CEP112: variants seen among roughly 807,000 people sequenced by gnomAD.
The protein encoded by CEP112 is centrosomal protein 112, also known as centrosomal protein of 112 kDa.
CEP112 carries 127 observed loss-of-function variants against 153.0 expected under a neutral mutation model. That is an observed-to-expected ratio of 0.83 (90% CI 0.72 to 0.96). The LOEUF is 0.96. CEP112 is among the 40% of genes least tolerant of loss of function. The pLI is 0.00. For synonymous variants in CEP112, 358 were observed against 374.4 expected, an observed-to-expected ratio of 0.96 and a Z score of 0.51; for missense variants, 1,089 against 1,101.2, an observed-to-expected ratio of 0.99 and a Z score of 0.16.
chr17:65,833,240 C>T (rs967272240), intron 21 of CEP112, among the ~76,000 whole-genome samples: 2 of 151,692 alleles, frequency 1.3e-5, no homozygotes, highest in Non-Finnish European at 2.9e-5. Context: ...AACAAACCCA[C>T]CACCAATATT....
intron 12 of CEP112, chr17:66,043,131 G>GA (rs1382639766): frequency 1.1e-6 from 1 of 935,512 alleles, no homozygotes. Context: ...ATGGAATTCA[G>GA]ACTGTCGCTG....
At chr17:65,732,079 A>T (rs1211984654) in intron 23 of CEP112, among the ~76,000 whole-genome samples, 1 of 152,196 alleles carries the variant, frequency 6.6e-6, no homozygotes, top group Non-Finnish European at 1.5e-5. Flanking sequence ...GTTCCATCAG[A>T]GGAATTACCA....
chr17:66,103,481 A>G (rs2068651136), intron 6 of CEP112, among the ~76,000 whole-genome samples: 1 of 152,216 alleles, frequency 6.6e-6, no homozygotes, highest in Admixed American at 6.5e-5. Context: ...GAATAAATAA[A>G]CAAGTAAATA....
At chr17:65,870,778 T>A (rs2058647882) in intron 20 of CEP112, among the ~76,000 whole-genome samples, 1 of 152,240 alleles carries the variant, frequency 6.6e-6, no homozygotes, top group African/African-American at 2.4e-5. Flanking sequence ...GTTATTTTCT[T>A]GACAGAGTTT....
At chr17:65,682,679 C>T (rs182421380) in intron 24 of CEP112, among the ~76,000 whole-genome samples, 3 of 152,096 alleles carry the variant, frequency 2.0e-5, no homozygotes, top group African/African-American at 4.8e-5. Context: ...ATGAACAAAA[C>T]GAACTTTCTG....
At chr17:66,144,740 T>G (rs1343283918) in intron 4 of CEP112, among the ~76,000 whole-genome samples, 1 of 152,200 alleles carries the variant, frequency 6.6e-6, no homozygotes, top group Non-Finnish European at 1.5e-5. Flanking sequence ...AGTATTCCAT[T>G]ATATACATAA....
intron 20 of CEP112, among the ~76,000 whole-genome samples, chr17:65,879,837 GA>G (rs199889725): frequency 5.8e-5 from 4 of 69,094 alleles, no homozygotes; most frequent in African/African-American, 1.7e-4. Flanking sequence ...AAGACAAAAT[GA>G]AAAAAAAAAT....
chr17:66,029,068 T>C, intron 14 of CEP112, 55 bp downstream of exon 14: 1 of 1,397,636 alleles, frequency 7.2e-7, no homozygotes, highest in Non-Finnish European at 9.9e-7. Flanking sequence ...TATCTATGGC[T>C]CTAGGCTTAG....
intron 21 of CEP112, among the ~76,000 whole-genome samples, chr17:65,845,149 G>A (rs943948767): frequency 4.6e-5 from 7 of 152,132 alleles, no homozygotes; most frequent in South Asian, 2.1e-4. Context: ...GAGAAACTGC[G>A]TCTGTACTAA....
chr17:65,810,010 A>G (rs780041999), intron 21 of CEP112, among the ~76,000 whole-genome samples: 4 of 152,230 alleles, frequency 2.6e-5, no homozygotes, highest in Non-Finnish European at 5.9e-5. Context: ...ACTTCTGAGA[A>G]GTCAACTGTG....
At chr17:66,037,346 CCTT>C (rs1211278041) in intron 12 of CEP112, among the ~76,000 whole-genome samples, 5 of 152,170 alleles carry the variant, frequency 3.3e-5, no homozygotes, top group Non-Finnish European at 7.3e-5. Flanking sequence ...CTCCAGCTCT[CCTT>C]CTTCCCGTGA....
intron 4 of CEP112, among the ~76,000 whole-genome samples, chr17:66,138,365 T>C (rs1358630424): frequency 1.3e-5 from 2 of 152,198 alleles, no homozygotes; most frequent in African/African-American, 4.8e-5. Context: ...CTGGGATACC[T>C]GATGGTTGGT....
chr17:66,106,855 G>A (rs1392917537), intron 6 of CEP112, among the ~76,000 whole-genome samples: 3 of 151,840 alleles, frequency 2.0e-5, no homozygotes, highest in Non-Finnish European at 4.4e-5. Flanking sequence ...GAAAACTACA[G>A]GCCAATATGA....
At chr17:65,866,569 C>T (rs1598824023) in intron 20 of CEP112, among the ~76,000 whole-genome samples, 1 of 152,274 alleles carries the variant, frequency 6.6e-6, no homozygotes. Flanking sequence ...TGCTTTTTCT[C>T]GGCCTGCCAT....
At chr17:66,134,266 C>T (rs1361135729) in intron 4 of CEP112, among the ~76,000 whole-genome samples, 11 of 152,156 alleles carry the variant, frequency 7.2e-5, no homozygotes, top group Admixed American at 5.9e-4. Flanking sequence ...CATAAAACGA[C>T]ACACCCTCTT....
At position 66,051,788 on chromosome 17, in the gene CEP112, G is replaced by A. The variant is rs73346595; in HGVS notation, c.1218+1948C>T. 2.7e-3 allele frequency among the ~76,000 whole-genome samples: 404 copies of A among 152,286 alleles called. 1 individual carries two copies. The highest frequency in any genetic ancestry group is 0.01 in the Middle Eastern group (3 of 294). ...GGTTGTGAATGGTAAATGAGACAGA[G>A]TTCATGCCTGGGATACAACACTTGA... On this transcript the variant is annotated intron_variant, in intron 12 of 26. Coordinates refer to ENST00000535342, the MANE Select transcript of CEP112 (RefSeq NM_001199165.4).
chr17:65,909,349 GGAA>G (rs1215144698), intron 19 of CEP112, among the ~76,000 whole-genome samples: 1 of 152,202 alleles, frequency 6.6e-6, no homozygotes, highest in Non-Finnish European at 1.5e-5. Flanking sequence ...TAGAAAAGGA[GGAA>G]GAGAGGGAGT....
At chr17:65,831,373 C>G (rs2057072509) in intron 21 of CEP112, among the ~76,000 whole-genome samples, 1 of 152,010 alleles carries the variant, frequency 6.6e-6, no homozygotes, top group Non-Finnish European at 1.5e-5. Context: ...CTGGCTAACA[C>G]AGTGAAACCC....
At chr17:65,772,574 TTA>T (rs1491106521) in intron 21 of CEP112, among the ~76,000 whole-genome samples, 1 of 115,154 alleles carries the variant, frequency 8.7e-6, no homozygotes, top group African/African-American at 3.2e-5. Context: ...CCTCTATTTA[TTA>T]CACACACACA....
Sources: gnomAD v4.1 joint callset for allele counts (sites outside exome capture counted in the v4.1 genomes callset) on GRCh38, gnomAD v4.1.1 for gene constraint, MANE v1.5 for transcripts, NCBI Gene and HGNC (gene_info 2026-07-23, HGNC 2026-07-21) for gene names.